ABCG1: variants seen among roughly 807,000 people sequenced by gnomAD.
The protein encoded by ABCG1 is ATP binding cassette subfamily G member 1.
In ABCG1, 29 loss-of-function variants were observed where a neutral mutation model predicts 69.2. That is an observed-to-expected ratio of 0.42 (90% CI 0.31 to 0.57). The LOEUF is 0.57. Ranked by LOEUF, ABCG1 falls within the 20% of genes least tolerant of loss-of-function variation. The pLI, the probability that ABCG1 is intolerant of heterozygous loss-of-function variation, is 0.15. For missense variants in ABCG1, 718 were observed against 898.1 expected, an observed-to-expected ratio of 0.80 and a Z score of 2.56; for synonymous variants, 370 against 374.8, an observed-to-expected ratio of 0.99 and a Z score of 0.15.
chr21:42,252,038 G>C (rs1159549668), intron 2 of ABCG1, among the ~76,000 whole-genome samples: 1 of 152,220 alleles, frequency 6.6e-6, no homozygotes, highest in Non-Finnish European at 1.5e-5. Flanking sequence ...GGAAACCCCA[G>C]CTGTGGAAAC....
chr21:42,244,888 T>C lies in ABCG1; in HGVS notation c.286+18974T>C, dbSNP rs145278974. Among the ~76,000 whole-genome samples the C allele has an allele frequency of 9.8e-5, 15 of 152,348 alleles. No individual in the cohort carries two copies. In the East Asian group the frequency reaches 2.3e-3, roughly 23 times the overall value. On this transcript the variant is annotated intron_variant, in intron 2 of 14. Transcript: ENST00000398449. ...CCCACCTTGCTGTTGGAACCCGAGC[T>C]TCAGAGAGGGCTGTTGACTTGGCTG...
chr21:42,203,268 C>T (rs752114914), intron 2 of ABCG1, among the ~76,000 whole-genome samples: 3 of 152,150 alleles, frequency 2.0e-5, no homozygotes, highest in Non-Finnish European at 2.9e-5. Context: ...TAACACTTTT[C>T]GTCTTCTTAA....
chr21:42,225,490 G>A (rs1419343263), intron 1 of ABCG1, among the ~76,000 whole-genome samples, 181 bp from the exon 2 acceptor site: 1 of 152,190 alleles, frequency 6.6e-6, no homozygotes, highest in Non-Finnish European at 1.5e-5. Context: ...AGAAGAAAAT[G>A]TGACGGAGAT....
At chr21:42,200,780 G>A (rs532907625) in intron 1 of ABCG1, among the ~76,000 whole-genome samples, 4 of 151,884 alleles carry the variant, frequency 2.6e-5, no homozygotes, top group South Asian at 2.1e-4. Context: ...GTAGAGATGG[G>A]GCTTCACCAT....
At chr21:42,232,054 G>T (rs561399505) in intron 2 of ABCG1, among the ~76,000 whole-genome samples, 2 of 152,296 alleles carry the variant, frequency 1.3e-5, no homozygotes, top group East Asian at 1.9e-4. Context: ...GCCCCCAGGT[G>T]GGTGGGCTAC....
chr21:42,248,924 C>T (rs373721017), intron 2 of ABCG1, among the ~76,000 whole-genome samples: 187 of 139,650 alleles, frequency 1.3e-3, no homozygotes, highest in African/African-American at 4.7e-3. Flanking sequence ...AAAAAAAGAG[C>T]GAATAAACAA....
chr21:42,264,546 C>T (rs2123703219), intron 2 of ABCG1, among the ~76,000 whole-genome samples: 1 of 147,916 alleles, frequency 6.8e-6, no homozygotes, highest in East Asian at 2.1e-4. Context: ...TCCATTCATC[C>T]ATCCATTCAG....
At chr21:42,274,561 G>T (rs555722371) in intron 4 of ABCG1, among the ~76,000 whole-genome samples, 1 of 142,888 alleles carries the variant, frequency 7.0e-6, no homozygotes, top group African/African-American at 2.7e-5. Flanking sequence ...TGCAACCTCC[G>T]CCTCCCAGGT....
rs185571649 is a variant in ABCG1, at chr21:42,203,071, T to C, written c.48+1348T>C. 8.1e-3 allele frequency among the ~76,000 whole-genome samples: 1,241 copies of C among 152,310 alleles called. 23 individuals are homozygous for C. Among genetic ancestry groups the C allele is most frequent in the African/African-American group, 0.028 (1,177 of 41,570 alleles). On this transcript the variant is annotated intron_variant, in intron 2 of 15. Coordinates refer to the ABCG1 transcript ENST00000398457. The stretch of plus-strand genomic sequence containing the variant: ...GGACAGCTTTTCCAGCAAGCGCTGC[T>C]GATGCATTTGGGTATCCACGGGCAG...
chr21:42,294,533 C>A lies in ABCG1; in HGVS notation c.1654-9C>A. 1 of 1,611,470 alleles carries A rather than the reference C, an allele frequency of 6.2e-7. No homozygotes were observed. Among genetic ancestry groups the A allele is most frequent in the Non-Finnish European group, 8.5e-7 (1 of 1,177,602 alleles). On this transcript the variant is annotated splice_polypyrimidine_tract_variant and intron_variant, in intron 13 of 14. Coordinates refer to ENST00000398449, the MANE Select transcript of ABCG1 (RefSeq NM_016818.3). Reference sequence around the variant, plus strand: ...CTGCTACATCTGTCCTGTGTGCCCCCAACTCCAGGTGGCCACTTTCGTGGG... The same window carrying A: ...CTGCTACATCTGTCCTGTGTGCCCCAAACTCCAGGTGGCCACTTTCGTGGG...
At chr21:42,256,418 C>T in intron 2 of ABCG1, 1 of 1,549,540 alleles carries the variant, frequency 6.5e-7, no homozygotes, top group Non-Finnish European at 8.7e-7. Flanking sequence ...GGTCCCTACT[C>T]ACACCTTCCT....
intron 2 of ABCG1, chr21:42,260,118 C>G: frequency 6.4e-7 from 1 of 1,550,534 alleles, no homozygotes; most frequent in Non-Finnish European, 8.7e-7. Flanking sequence ...TTGGGGGTTT[C>G]CTGGCGATCC....
intron 2 of ABCG1, among the ~76,000 whole-genome samples, chr21:42,264,463 A>G (rs1601411965): frequency 1.3e-5 from 2 of 151,756 alleles, no homozygotes; most frequent in Admixed American, 1.3e-4. Flanking sequence ...CCATTCATTC[A>G]TCTATTCATC....
intron 2 of ABCG1, among the ~76,000 whole-genome samples, chr21:42,203,169 T>C (rs1254043042): frequency 1.3e-5 from 2 of 152,180 alleles, no homozygotes; most frequent in African/African-American, 4.8e-5. Flanking sequence ...ATGTAGAACA[T>C]TGGAGAATTT....
intron 2 of ABCG1, among the ~76,000 whole-genome samples, chr21:42,243,992 G>A (rs1348806439): frequency 6.6e-6 from 1 of 151,718 alleles, no homozygotes; most frequent in African/African-American, 2.4e-5. Flanking sequence ...CTAATTTTTT[G>A]TATTTTTTAG....
intron 1 of ABCG1, among the ~76,000 whole-genome samples, chr21:42,220,469 T>G (rs2067707356): frequency 6.6e-6 from 1 of 151,986 alleles, no homozygotes; most frequent in South Asian, 2.1e-4. Flanking sequence ...CTGTGACAAC[T>G]GCATCCTATG....
intron 2 of ABCG1, among the ~76,000 whole-genome samples, chr21:42,208,418 A>G (rs1408694629): frequency 6.6e-6 from 1 of 152,168 alleles, no homozygotes; most frequent in African/African-American, 2.4e-5. Context: ...GGTTTTGTGT[A>G]ATATCCAAGG....
chr21:42,291,239 C>T lies in ABCG1; in HGVS notation c.1494+47C>T. ...ATTTGAAACGGGGGCAAGAGTTCTC[C>T]TGTACACCCTTTATATCGAGTAAGA... is the stretch of plus-strand genomic sequence containing the variant. On this transcript the variant is annotated intron_variant, in intron 12 of 14. Transcript: ENST00000398449. The surrounding 1 kb of genome is among the most constrained non-coding windows in gnomAD (Gnocchi z 6.4). The T allele has an allele frequency of 6.9e-7, 1 of 1,458,412 alleles. No individual in the cohort carries two copies. The allele number at this position is 1,458,412 out of a possible 1,614,324, so 90.3% of individuals were successfully genotyped here.
upstream of ABCG1, among the ~76,000 whole-genome samples, chr21:42,212,021 C>T (rs1346467914): frequency 1.3e-5 from 2 of 152,132 alleles, no homozygotes; most frequent in African/African-American, 4.8e-5. Flanking sequence ...TTGAAAGGAG[C>T]CCCTTTCCTT....
Sources: gnomAD v4.1 joint callset for allele counts (sites outside exome capture counted in the v4.1 genomes callset) on GRCh38, gnomAD v4.1.1 for gene constraint, Gnocchi (gnomAD v3.1) non-coding constraint, MANE v1.5 for transcripts, NCBI Gene and HGNC (gene_info 2026-07-23, HGNC 2026-07-21) for gene names.